SCAF11: variants seen among roughly 807,000 people sequenced by gnomAD.
SCAF11 encodes the protein SR-related CTD associated factor 11.
In SCAF11, 47 loss-of-function variants were observed where a neutral mutation model predicts 140.5. The ratio of observed to expected loss-of-function variants is 0.33; its 90% CI spans 0.26 to 0.43. The LOEUF (loss-of-function observed/expected upper bound fraction) is 0.43, where lower values mean the gene tolerates loss of function less well. SCAF11 is among the 20% of genes least tolerant of loss of function. The pLI is 1.00. For synonymous variants in SCAF11, 557 were observed against 579.4 expected (o/e 0.96, Z 0.55); for missense variants, 1,645 against 1,705.1 (o/e 0.96, Z 0.62).
chr12:45,972,925 TATAG>T (rs1327207224), intron 1 of SCAF11, among the ~76,000 whole-genome samples: 8 of 78,378 alleles, frequency 1.0e-4, no homozygotes, highest in African/African-American at 5.3e-4. Flanking sequence ...TATATAGATA[TATAG>T]ATATATATAG....
rs1278323120 is a variant in SCAF11, at chr12:45,932,797, A to T, written c.734+334T>A. 2.0e-5 allele frequency among the ~76,000 whole-genome samples: 3 copies of T among 152,264 alleles called. No individual in the cohort carries two copies. The East Asian group carries it at 5.8e-4, about 29-fold the overall frequency. On this transcript the variant is annotated intron_variant, in intron 9 of 14. Transcript: ENST00000369367. ...ATGGTAAAAGCGTGATTCAGCGGAC[A>T]GCACGCAGGTAAGACTGGAATGGGA...
In SCAF11 at chr12:45,990,478, C is replaced by T; in HGVS notation, c.-147G>A. 8.1e-7 allele frequency: 1 copy of T among 1,232,010 alleles called. No homozygotes were observed. The highest frequency in any genetic ancestry group is 1.0e-6 in the Non-Finnish European group (1 of 988,214). 76.3% of individuals were successfully genotyped at this position (1,232,010 alleles called of 1,614,324 possible). A position where few individuals can be genotyped will look rare whatever the true frequency, so the allele number is the denominator to read the frequency against. ...TCCGCTTTGTGGTGTTACAGGGTCT[C>T]TAGGACACTGACTCCGCTGGCTCGG... On this transcript the variant is annotated 5_prime_UTR_variant, in exon 1 of 15. Transcript: ENST00000369367.
chr12:45,953,845 G>T, intron 3 of SCAF11: 2 of 946,474 alleles, frequency 2.1e-6, no homozygotes, highest in Non-Finnish European at 2.9e-6. Flanking sequence ...GTTTTTATGG[G>T]AATAAATAAT....
chr12:45,984,772 G>A (rs1294403888), intron 1 of SCAF11, among the ~76,000 whole-genome samples: 1 of 148,192 alleles, frequency 6.7e-6, no homozygotes, highest in Non-Finnish European at 1.5e-5. Context: ...TTGGCCCACT[G>A]CAAACTCCAC....
intron 6 of SCAF11, chr12:45,944,996 A>C: frequency 2.2e-6 from 1 of 452,062 alleles, no homozygotes; most frequent in Non-Finnish European, 3.9e-6. Flanking sequence ...AACACCAAGA[A>C]ATTGTGAAAC....
chr12:45,987,788 G>A (rs778794511), intron 1 of SCAF11, among the ~76,000 whole-genome samples: 17 of 152,172 alleles, frequency 1.1e-4, no homozygotes, highest in Non-Finnish European at 2.5e-4. Flanking sequence ...GAAGTTACAT[G>A]ACCTGACATT....
At chr12:45,930,248 G>A (rs1945008786) in intron 10 of SCAF11, among the ~76,000 whole-genome samples, 2 of 152,020 alleles carry the variant, frequency 1.3e-5, no homozygotes, top group African/African-American at 4.8e-5. Flanking sequence ...TTGCTTCTTG[G>A]GAGCACTTCC....
rs369338243 is a variant in SCAF11 at position 45,933,252 on chromosome 12, C to T, written c.633-20G>A. 2.0e-6 allele frequency: 3 copies of T among 1,533,250 alleles called. No homozygotes were observed. The highest frequency in any genetic ancestry group is 1.7e-5 in the Admixed American group (1 of 57,896). The allele number at this position is 1,533,250 out of a possible 1,614,324, so 95.0% of individuals were successfully genotyped here. On this transcript the variant is annotated intron_variant, in intron 8 of 14. Coordinates refer to ENST00000369367, the MANE Select transcript of SCAF11 (RefSeq NM_004719.3). Reference sequence around the variant, plus strand: ...TCTGTACTAAAAGATAAATTTTAGACCTTCATCAGAATCTCACAATTTTAG... The same window carrying T: ...TCTGTACTAAAAGATAAATTTTAGATCTTCATCAGAATCTCACAATTTTAG...
rs1376230217 is a variant in SCAF11, at chr12:45,938,186, G to A, written c.464-3681C>T. ...TTCTTGTCTTTGTGGCTTAAACTTT[G>A]TGGCTTAAAACTCTTCTTTCTGGCC... On this transcript the variant is annotated intron_variant, in intron 6 of 14. Coordinates refer to ENST00000369367, the MANE Select transcript of SCAF11 (RefSeq NM_004719.3). 3.9e-5 allele frequency among the ~76,000 whole-genome samples: 6 copies of A among 151,978 alleles called. No homozygotes were observed. In the South Asian group the frequency reaches 1.0e-3, roughly 26 times the overall value.
chr12:45,948,638 C>G, intron 4 of SCAF11, 101 bp from the exon 5 acceptor site: 1 of 730,572 alleles, frequency 1.4e-6, no homozygotes, highest in Non-Finnish European at 2.2e-6. Context: ...ACAAAACTGT[C>G]CAATTAAAAA....
intron 12 of SCAF11, 121 bp from the exon 13 acceptor site, chr12:45,923,275 T>C: frequency 1.3e-6 from 1 of 750,950 alleles, no homozygotes; most frequent in Non-Finnish European, 2.1e-6. Flanking sequence ...TAAAGAAAAA[T>C]GCATATTTCA....
In SCAF11 at chr12:45,927,571, A is replaced by G. The variant is rs556359176; in HGVS notation, c.2130T>C (p.Ser710=). Residue 710 remains serine, a synonymous_variant, in exon 11 of 15, where the codon AGT becomes AGC. Transcript: ENST00000369367. ...TAGGTATCATTTCATTGTTGTCCTCACTAAAATGCTTCTGAATCTGTTCAA... is the reference window on the plus strand; with the variant it reads ...TAGGTATCATTTCATTGTTGTCCTCGCTAAAATGCTTCTGAATCTGTTCAA... ...THIEQIQKHF[S]EDNNEMIPME... is the part of the protein sequence containing the mutation. 19 of 1,613,546 alleles carry G rather than the reference A, an allele frequency of 1.2e-5. No homozygotes were observed. In the South Asian group the frequency reaches 2.1e-4, roughly 18 times the overall value.
chr12:45,974,307 T>C (rs571339550), intron 1 of SCAF11: 19 of 453,784 alleles, frequency 4.2e-5, no homozygotes, highest in Admixed American at 1.9e-4. Context: ...AGGATGGTAG[T>C]TGCTGAAGGG....
intron 1 of SCAF11, among the ~76,000 whole-genome samples, chr12:45,984,802 C>T (rs192214163): frequency 2.0e-5 from 3 of 150,938 alleles, no homozygotes; most frequent in Admixed American, 6.6e-5. Context: ...TCAAGCGATT[C>T]TTGTGCCTCA....
upstream of SCAF11, chr12:45,991,744 T>TC: frequency 2.2e-6 from 1 of 446,306 alleles, no homozygotes; most frequent in African/African-American, 2.1e-5. Context: ...TCTCTTCTCG[T>TC]CGACTGCAGC....
intron 1 of SCAF11, chr12:45,975,726 A>C (rs1012598101): frequency 3.3e-5 from 5 of 152,226 alleles, no homozygotes; most frequent in African/African-American, 1.2e-4. Context: ...GTTTGGTCTA[A>C]TTTCAATACT....
intron 9 of SCAF11, among the ~76,000 whole-genome samples, chr12:45,932,235 T>TC (rs1261618489): frequency 6.6e-6 from 1 of 152,132 alleles, no homozygotes; most frequent in Non-Finnish European, 1.5e-5. Context: ...GTTCTCAGTG[T>TC]CCCTAGAGAC....
In SCAF11 at chr12:45,920,049, G is replaced by A. The variant is rs1247644105; in HGVS notation, c.*1999C>T. On this transcript the variant is annotated 3_prime_UTR_variant, in exon 15 of 15. Coordinates refer to ENST00000369367, the MANE Select transcript of SCAF11 (RefSeq NM_004719.3). ...GTGTGCCTTGATATTCTGAAACACT[G>A]TCTTAATACTTTATTAGAAGAAATA... is the stretch of plus-strand genomic sequence containing the variant. The A allele has an allele frequency of 6.6e-6, 1 of 152,134 alleles. No homozygotes were observed. The highest frequency in any genetic ancestry group is 2.4e-5 in the African/African-American group (1 of 41,440). 9.4% of individuals were successfully genotyped at this position (152,134 alleles called of 1,614,324 possible).
chr12:45,949,390 A>G (rs1945498345), intron 4 of SCAF11, among the ~76,000 whole-genome samples: 1 of 152,220 alleles, frequency 6.6e-6, no homozygotes, highest in Admixed American at 6.5e-5. Flanking sequence ...TTAAAATATT[A>G]CATGTTGAGC....
Sources: gnomAD v4.1 joint callset for allele counts (sites outside exome capture counted in the v4.1 genomes callset) on GRCh38, gnomAD v4.1.1 for gene constraint, MANE v1.5 for transcripts, NCBI Gene and HGNC (gene_info 2026-07-23, HGNC 2026-07-21) for gene names.